TSHZ2: variants seen among roughly 807,000 people sequenced by gnomAD.
The protein encoded by TSHZ2 is teashirt homolog 2.
TSHZ2 carries 21 observed loss-of-function variants against 74.4 expected under a neutral mutation model. That is an observed-to-expected ratio of 0.28 (90% CI 0.20 to 0.41). TSHZ2 has a LOEUF of 0.41. Among genes scored for constraint, TSHZ2 ranks in the 10% least tolerant of loss-of-function variants. TSHZ2 has a pLI of 1.00. For synonymous variants in TSHZ2, 540 were observed against 515.3 expected, an observed-to-expected ratio of 1.05 and a Z score of -0.65; for missense variants, 1,244 against 1,293.5, an observed-to-expected ratio of 0.96 and a Z score of 0.59.
chr20:53,133,566 A>G (rs951656964), intron 1 of TSHZ2, among the ~76,000 whole-genome samples: 3 of 152,234 alleles, frequency 2.0e-5, no homozygotes, highest in African/African-American at 7.2e-5. Flanking sequence ...TCATATTCTC[A>G]ACAGGGAGCT....
chr20:53,066,776 G>C (rs1248134454), intron 1 of TSHZ2, among the ~76,000 whole-genome samples: 1 of 152,208 alleles, frequency 6.6e-6, no homozygotes, highest in African/African-American at 2.4e-5. Flanking sequence ...AAAGTGTTGG[G>C]ATTACAGGCG....
intron 2 of TSHZ2, among the ~76,000 whole-genome samples, chr20:53,442,848 A>T (rs1448154058): frequency 6.6e-6 from 1 of 152,222 alleles, no homozygotes; most frequent in Non-Finnish European, 1.5e-5. Flanking sequence ...TTGTGATGAA[A>T]TTAAGTGATG....
intron 2 of TSHZ2, among the ~76,000 whole-genome samples, chr20:53,307,044 A>T (rs1978573903): frequency 6.6e-6 from 1 of 152,220 alleles, no homozygotes; most frequent in Non-Finnish European, 1.5e-5. Context: ...TTCCCAGGAC[A>T]CAGGACTTTA....
intron 1 of TSHZ2, among the ~76,000 whole-genome samples, chr20:53,117,073 T>C (rs1986690359): frequency 6.6e-6 from 1 of 152,130 alleles, no homozygotes; most frequent in South Asian, 2.1e-4. Flanking sequence ...GTGCACGTTC[T>C]CTCATGCCTC....
chr20:53,327,381 C>T (rs771743431), intron 2 of TSHZ2, among the ~76,000 whole-genome samples: 1 of 151,972 alleles, frequency 6.6e-6, no homozygotes, highest in Non-Finnish European at 1.5e-5. Flanking sequence ...CCCAGCTACT[C>T]GGGAGGCTGA....
At chr20:53,116,181 TATTA>T (rs1362652339) in intron 1 of TSHZ2, among the ~76,000 whole-genome samples, 1 of 152,238 alleles carries the variant, frequency 6.6e-6, no homozygotes, top group Non-Finnish European at 1.5e-5. Context: ...AAGCTACTGC[TATTA>T]ATTGATTGCA....
chr20:53,413,008 G>A (rs1397539583), intron 2 of TSHZ2: 2 of 152,220 alleles, frequency 1.3e-5, no homozygotes, highest in East Asian at 1.9e-4. Flanking sequence ...CTTGGCTCAG[G>A]TTCCCCCAGA....
At chr20:53,469,651 A>C (rs939995881) in intron 2 of TSHZ2, among the ~76,000 whole-genome samples, 1 of 87,484 alleles carries the variant, frequency 1.1e-5, no homozygotes, top group Non-Finnish European at 2.4e-5. Context: ...GAAGGAAGGA[A>C]GGAAGGAAGG....
At chr20:53,280,458 T>G (rs532700453) in intron 2 of TSHZ2, among the ~76,000 whole-genome samples, 4 of 152,100 alleles carry the variant, frequency 2.6e-5, no homozygotes, top group Non-Finnish European at 5.9e-5. Context: ...TAATGTGACT[T>G]GAGTATGAAA....
At chr20:53,189,821 C>T (rs1254322734) in intron 1 of TSHZ2, among the ~76,000 whole-genome samples, 12 of 151,960 alleles carry the variant, frequency 7.9e-5, no homozygotes, top group East Asian at 3.9e-4. Flanking sequence ...CAATGGCTCA[C>T]GCCTACAATC....
chr20:53,081,669 A>G (rs1320990902), intron 1 of TSHZ2, among the ~76,000 whole-genome samples: 1 of 152,182 alleles, frequency 6.6e-6, no homozygotes, highest in Non-Finnish European at 1.5e-5. Flanking sequence ...CACGGTGTTT[A>G]TAAATTTTTT....
At chr20:53,372,532 G>A (rs1293015046) in intron 2 of TSHZ2, among the ~76,000 whole-genome samples, 2 of 151,946 alleles carry the variant, frequency 1.3e-5, no homozygotes, top group African/African-American at 4.8e-5. Context: ...AGGGAGGGAG[G>A]AAGGGAAGGA....
At chr20:53,158,722 A>G (rs1301008502) in intron 1 of TSHZ2, among the ~76,000 whole-genome samples, 7 of 152,144 alleles carry the variant, frequency 4.6e-5, no homozygotes, top group African/African-American at 1.7e-4. Context: ...GTGGCCCTCA[A>G]GGACCACCCC....
chr20:53,185,542 C>T (rs1988578537), intron 1 of TSHZ2: 1 of 1,437,242 alleles, frequency 7.0e-7, no homozygotes, highest in Admixed American at 2.1e-5. Context: ...TGAACTGGGA[C>T]CCAGGAGGCA....
chr20:53,124,085 G>A (rs943996906), intron 1 of TSHZ2, among the ~76,000 whole-genome samples: 2 of 152,170 alleles, frequency 1.3e-5, no homozygotes, highest in African/African-American at 2.4e-5. Context: ...GCTTAGGGAA[G>A]ACAACTCCCT....
At position 53,390,401 on chromosome 20, in the gene TSHZ2, A is replaced by G. The variant is rs118133500; in HGVS notation, c.*9-96743A>G. 1.5e-3 allele frequency among the ~76,000 whole-genome samples: 233 copies of G among 152,358 alleles called. 3 individuals carry two copies. In the East Asian group the frequency reaches 0.039, roughly 25 times the overall value. The stretch of plus-strand genomic sequence containing the variant: ...GAAAAGGAAGTTATCCACCTAGGAC[A>G]TATTCCAAGAGCCACAGAAAGCCAG... On this transcript the variant is annotated intron_variant, in intron 2 of 2. Transcript: ENST00000371497.
chr20:53,042,298 C>T (rs1984069245), intron 1 of TSHZ2, among the ~76,000 whole-genome samples: 1 of 152,170 alleles, frequency 6.6e-6, no homozygotes, highest in African/African-American at 2.4e-5. Flanking sequence ...GGTACTGAAT[C>T]ATCTGGCAAC....
intron 1 of TSHZ2, among the ~76,000 whole-genome samples, chr20:53,039,812 A>ACC (rs1375713669): frequency 1.6e-5 from 2 of 127,184 alleles, no homozygotes; most frequent in Non-Finnish European, 3.3e-5. Context: ...ACACACACAC[A>ACC]CACCAGTGAA....
chr20:53,178,668 A>G (rs1988401162), intron 1 of TSHZ2: 1 of 152,204 alleles, frequency 6.6e-6, no homozygotes, highest in African/African-American at 2.4e-5. Context: ...GGAGTTTGAT[A>G]AAATCCCATA....
Sources: gnomAD v4.1 joint callset for allele counts (sites outside exome capture counted in the v4.1 genomes callset) on GRCh38, gnomAD v4.1.1 for gene constraint, MANE v1.5 for transcripts, NCBI Gene and HGNC (gene_info 2026-07-23, HGNC 2026-07-21) for gene names.